The following DCC variants were observed in gnomAD, a reference collection of about 807,000 sequenced individuals.
The protein encoded by DCC is netrin receptor DCC.
In DCC, 58 loss-of-function variants were observed where a neutral mutation model predicts 172.5. The ratio of observed to expected loss-of-function variants is 0.34; its 90% CI spans 0.27 to 0.42. DCC has a LOEUF of 0.42. DCC is among the 10% of genes least tolerant of loss of function. The pLI, the probability that DCC is intolerant of heterozygous loss-of-function variation, is 1.00. For synonymous variants in DCC, 709 were observed against 644.5 expected (o/e 1.10, Z -1.52); for missense variants, 1,740 against 1,791.0 (o/e 0.97, Z 0.51).
chr18:52,397,451 C>A (rs939328986), intron 1 of DCC, among the ~76,000 whole-genome samples: 1 of 151,990 alleles, frequency 6.6e-6, no homozygotes, highest in Non-Finnish European at 1.5e-5. Context: ...ATAATTCCAC[C>A]CTCATTGTGG....
chr18:52,865,852 T>A (rs561882399), intron 2 of DCC, among the ~76,000 whole-genome samples: 117 of 152,302 alleles, frequency 7.7e-4, no homozygotes, highest in African/African-American at 2.7e-3. Context: ...GAATACCCTG[T>A]TCACTCTGAT....
At chr18:52,391,484 G>A (rs2144350142) in intron 1 of DCC, among the ~76,000 whole-genome samples, 1 of 152,230 alleles carries the variant, frequency 6.6e-6, no homozygotes, top group African/African-American at 2.4e-5. Context: ...TGGTTTTAAA[G>A]TGAGAATAAG....
rs575330133 is a variant in DCC, at chr18:52,596,608, G to A, written c.92-155446G>A. 3.3e-5 allele frequency among the ~76,000 whole-genome samples: 5 copies of A among 152,284 alleles called. No individual in the cohort carries two copies. In the South Asian group the frequency reaches 1.0e-3, roughly 32 times the overall value. ...ACATCTGAAACCAATGATCTAACTT[G>A]TTCTGTTTACAGTTGAGAAACTGAA... is the stretch of plus-strand genomic sequence containing the variant. On this transcript the variant is annotated intron_variant, in intron 1 of 28. Transcript: ENST00000442544.
chr18:53,083,564 G>C (rs1000511355), intron 7 of DCC, among the ~76,000 whole-genome samples: 2 of 152,098 alleles, frequency 1.3e-5, no homozygotes, highest in African/African-American at 4.8e-5. Flanking sequence ...TCCTGTAACT[G>C]CAACATTACT....
At chr18:52,441,722 A>G (rs1987974572) in intron 1 of DCC, among the ~76,000 whole-genome samples, 1 of 152,220 alleles carries the variant, frequency 6.6e-6, no homozygotes, top group Non-Finnish European at 1.5e-5. Context: ...AAGTACTTCA[A>G]GCACCTAAGG....
At chr18:53,158,484 CAT>C (rs1385112005) in intron 8 of DCC, among the ~76,000 whole-genome samples, 9 of 152,134 alleles carry the variant, frequency 5.9e-5, no homozygotes, top group Admixed American at 1.3e-4. Context: ...GTGCTGTAAA[CAT>C]GTGATGATCT....
At chr18:52,513,731 G>C (rs1269502944) in intron 1 of DCC, among the ~76,000 whole-genome samples, 1 of 152,102 alleles carries the variant, frequency 6.6e-6, no homozygotes. Flanking sequence ...ATGATGGTCA[G>C]GTTGTCAGAT....
intron 5 of DCC, among the ~76,000 whole-genome samples, chr18:52,977,149 T>G (rs925532090): frequency 1.3e-5 from 2 of 152,154 alleles, no homozygotes; most frequent in Non-Finnish European, 2.9e-5. Flanking sequence ...TGTCATCTTT[T>G]TTTTTCTTAC....
At chr18:53,001,572 G>T (rs905026998) in intron 5 of DCC, among the ~76,000 whole-genome samples, 1 of 152,016 alleles carries the variant, frequency 6.6e-6, no homozygotes, top group African/African-American at 2.4e-5. Context: ...TTTCTGAAAA[G>T]TTTCAGTATT....
intron 1 of DCC, among the ~76,000 whole-genome samples, chr18:52,595,239 A>G (rs74631839): frequency 0.017 from 2,611 of 152,218 alleles, 25 homozygotes; most frequent in South Asian, 0.026. Flanking sequence ...GATCAATCAT[A>G]TCTTTCCAGG....
At chr18:53,105,853 A>G (rs532053989) in intron 7 of DCC, among the ~76,000 whole-genome samples, 1 of 151,674 alleles carries the variant, frequency 6.6e-6, no homozygotes, top group Admixed American at 6.6e-5. Context: ...TGCCTGGAAG[A>G]ATCATTCTAG....
intron 4 of DCC, 143 bp from the exon 5 acceptor site, chr18:52,925,091 G>C: frequency 1.3e-6 from 1 of 796,256 alleles, no homozygotes; most frequent in Non-Finnish European, 2.1e-6. Flanking sequence ...ATCAATAAGT[G>C]AGACTTTAAT....
At chr18:53,112,347 T>A (rs1158325514) in intron 7 of DCC, among the ~76,000 whole-genome samples, 2 of 151,572 alleles carry the variant, frequency 1.3e-5, no homozygotes, top group African/African-American at 4.8e-5. Context: ...TTTTATTCAC[T>A]TTATACCCCA....
At chr18:53,234,631 T>G (rs1158921509) in intron 12 of DCC, among the ~76,000 whole-genome samples, 1 of 152,052 alleles carries the variant, frequency 6.6e-6, no homozygotes, top group East Asian at 1.9e-4. Flanking sequence ...CCCAAGCCCC[T>G]CATTTTCAAG....
At chr18:52,376,164 A>G (rs1464244494) in intron 1 of DCC, among the ~76,000 whole-genome samples, 1 of 152,166 alleles carries the variant, frequency 6.6e-6, no homozygotes, top group Non-Finnish European at 1.5e-5. Flanking sequence ...ATAACTCTGG[A>G]TTGTAAGCCT....
chr18:52,492,041 G>A (rs115627758), intron 1 of DCC, among the ~76,000 whole-genome samples: 25 of 152,054 alleles, frequency 1.6e-4, no homozygotes, highest in Admixed American at 3.3e-4. Flanking sequence ...CAAGGGCCAC[G>A]GATATAGCAT....
chr18:52,841,250 A>G lies in DCC; in HGVS notation c.413-64794A>G, dbSNP rs79507875. Among the ~76,000 whole-genome samples the G allele has an allele frequency of 3.1e-4, 47 of 151,866 alleles. No homozygotes were observed. The East Asian group carries it at 8.8e-3, about 28-fold the overall frequency. ...CATGGTTTGATTTTCTTCTAAGTAC[A>G]TGGAGAATCAGAGGTGACATAACTT... On this transcript the variant is annotated intron_variant, in intron 2 of 28. Coordinates refer to ENST00000442544, the MANE Select transcript of DCC (RefSeq NM_005215.4).
intron 5 of DCC, among the ~76,000 whole-genome samples, chr18:52,980,944 ATTTT>A (rs35143538): frequency 6.9e-6 from 1 of 145,606 alleles, no homozygotes; most frequent in Non-Finnish European, 1.5e-5. Flanking sequence ...ACATACTGCT[ATTTT>A]TTTTTTTTTT....
chr18:53,088,685 A>G (rs2042957553), intron 7 of DCC, among the ~76,000 whole-genome samples: 1 of 152,232 alleles, frequency 6.6e-6, no homozygotes, highest in Non-Finnish European at 1.5e-5. Flanking sequence ...AATAAAGAAA[A>G]AAAGAGAGAA....
Sources: allele counts gnomAD v4.1 joint callset (sites outside exome capture counted in the v4.1 genomes callset), GRCh38; gene constraint gnomAD v4.1.1; transcripts MANE v1.5; gene names NCBI Gene and HGNC (gene_info 2026-07-23, HGNC 2026-07-21).